The following ARNT2 variants were observed in gnomAD, a reference collection of about 807,000 sequenced individuals.
ARNT2 encodes the protein aryl hydrocarbon receptor nuclear translocator 2.
Under a neutral mutation model 91.7 loss-of-function variants are expected in ARNT2, and 36 were observed. The observed-to-expected ratio is 0.39, with a 90% CI of 0.30 to 0.52. ARNT2 has a LOEUF of 0.52. Among genes scored for constraint, ARNT2 ranks in the 20% least tolerant of loss-of-function variants. The pLI, the probability that ARNT2 is intolerant of heterozygous loss-of-function variation, is 0.72. For missense variants in ARNT2, 775 were observed against 939.3 expected (o/e 0.83, Z 2.29); for synonymous variants, 365 against 347.1 (o/e 1.05, Z -0.57).
At chr15:80,514,103 T>G in intron 7 of ARNT2, 127 bp downstream of exon 7, 1 of 1,020,662 alleles carries the variant, frequency 9.8e-7, no homozygotes, top group Non-Finnish European at 1.5e-6. Flanking sequence ...GACATCAGGG[T>G]GGCAGTGGCA....
At chr15:80,415,648 C>T (rs997786733) in intron 1 of ARNT2, among the ~76,000 whole-genome samples, 1 of 152,074 alleles carries the variant, frequency 6.6e-6, no homozygotes, top group South Asian at 2.1e-4. Context: ...GCCCGGTCCA[C>T]GTAACATTGG....
intron 8 of ARNT2, among the ~76,000 whole-genome samples, chr15:80,524,560 G>C (rs530263249): frequency 4.6e-5 from 7 of 152,228 alleles, no homozygotes; most frequent in Middle Eastern, 3.4e-3. Context: ...AATTAAACAG[G>C]CATGCTTTTA....
At chr15:80,556,792 G>T (rs1898198761) in intron 11 of ARNT2, 1 of 152,248 alleles carries the variant, frequency 6.6e-6, no homozygotes, top group Admixed American at 6.5e-5. Flanking sequence ...TGACCTAAAA[G>T]CACCGTCCCG....
intron 1 of ARNT2, among the ~76,000 whole-genome samples, chr15:80,449,643 G>C (rs1005368218): frequency 1.3e-5 from 2 of 152,216 alleles, no homozygotes; most frequent in Non-Finnish European, 2.9e-5. Flanking sequence ...ATTGTATTGT[G>C]TATTGTAAAA....
At chr15:80,442,222 G>A (rs892817386) in intron 1 of ARNT2, among the ~76,000 whole-genome samples, 3 of 152,188 alleles carry the variant, frequency 2.0e-5, no homozygotes, top group Non-Finnish European at 4.4e-5. Flanking sequence ...TCAAAGGAAC[G>A]CTTTTTAGGA....
intron 5 of ARNT2, among the ~76,000 whole-genome samples, chr15:80,475,792 C>G (rs1896794109): frequency 6.6e-6 from 1 of 152,130 alleles, no homozygotes; most frequent in Non-Finnish European, 1.5e-5. Flanking sequence ...ATCCATATGC[C>G]CTGTTTGAAG....
At chr15:80,405,845 C>T (rs1895592756) in intron 1 of ARNT2, among the ~76,000 whole-genome samples, 1 of 151,848 alleles carries the variant, frequency 6.6e-6, no homozygotes, top group South Asian at 2.1e-4. Flanking sequence ...AAGGGAGAGT[C>T]CTCTGCACAC....
chr15:80,504,017 A>G (rs1897236683), intron 5 of ARNT2, among the ~76,000 whole-genome samples: 1 of 152,252 alleles, frequency 6.6e-6, no homozygotes, highest in Non-Finnish European at 1.5e-5. Context: ...AGCCGGCCCA[A>G]GGAGAGCACA....
chr15:80,493,392 T>C (rs965789847), intron 5 of ARNT2, among the ~76,000 whole-genome samples: 1 of 152,134 alleles, frequency 6.6e-6, no homozygotes, highest in Non-Finnish European at 1.5e-5. Context: ...TTTTCCTGAA[T>C]TGTGTACAGC....
chr15:80,472,182 G>A (rs1249806740), intron 4 of ARNT2, among the ~76,000 whole-genome samples: 2 of 152,130 alleles, frequency 1.3e-5, no homozygotes, highest in African/African-American at 4.8e-5. Flanking sequence ...AAGTATGTAG[G>A]GTATAGGGTC....
chr15:80,495,443 C>A (rs923455592), intron 5 of ARNT2, among the ~76,000 whole-genome samples: 3 of 152,200 alleles, frequency 2.0e-5, no homozygotes, highest in African/African-American at 7.2e-5. Context: ...CTCCTAAAAT[C>A]TAAATTATTG....
At chr15:80,421,742 G>A (rs1395060647) in intron 1 of ARNT2, among the ~76,000 whole-genome samples, 1 of 152,072 alleles carries the variant, frequency 6.6e-6, no homozygotes, top group East Asian at 1.9e-4. Context: ...TTTTCCTAGG[G>A]TATTTACGAC....
rs1342642044 is a variant in ARNT2, at chr15:80,404,456, G to T, written c.-60G>T. On this transcript the variant is annotated 5_prime_UTR_variant, in exon 1 of 19. Coordinates refer to ENST00000303329, the MANE Select transcript of ARNT2 (RefSeq NM_014862.4). This position sits in a 1 kb window ranked among gnomAD's most constrained non-coding sequence, Gnocchi z 5.5. ...GACCGGGTCCCCGGGGCTGAGCGCC[G>T]GGCTCCGCGCCGCCCCTCCCGCGCC... 3.5e-6 allele frequency: 4 copies of T among 1,146,426 alleles called. No individual in the cohort carries two copies. Among genetic ancestry groups the T allele is most frequent in the South Asian group, 3.7e-5 (2 of 53,698 alleles). The allele number at this position is 1,146,426 out of a possible 1,614,324, so 71.0% of individuals were successfully genotyped here.
chr15:80,581,724 T>TTA (rs1269560260), intron 17 of ARNT2, among the ~76,000 whole-genome samples: 1 of 152,230 alleles, frequency 6.6e-6, no homozygotes, highest in Non-Finnish European at 1.5e-5. Context: ...GTCAAAAACC[T>TTA]TATAGTCTTG....
intron 8 of ARNT2, among the ~76,000 whole-genome samples, chr15:80,541,467 T>G (rs888762939): frequency 2.0e-5 from 3 of 152,218 alleles, no homozygotes; most frequent in African/African-American, 4.8e-5. Context: ...TAGTTTCATT[T>G]GCTTTGCAGA....
chr15:80,411,746 C>T (rs1039731008), intron 1 of ARNT2, among the ~76,000 whole-genome samples: 7 of 152,118 alleles, frequency 4.6e-5, no homozygotes, highest in African/African-American at 1.2e-4. Flanking sequence ...AGACTTACCT[C>T]GAGTCCTCAG....
intron 15 of ARNT2, among the ~76,000 whole-genome samples, chr15:80,579,660 G>T (rs930559055): frequency 7.2e-5 from 11 of 152,152 alleles, no homozygotes; most frequent in Non-Finnish European, 1.5e-4. Context: ...GTAAAAGTCT[G>T]CCCCCAGCCT....
chr15:80,432,191 G>A (rs556939708), intron 1 of ARNT2, among the ~76,000 whole-genome samples: 8 of 152,186 alleles, frequency 5.3e-5, no homozygotes, highest in East Asian at 1.9e-4. Flanking sequence ...TAGTGCACCC[G>A]CACCAGCCCT....
intron 5 of ARNT2, among the ~76,000 whole-genome samples, chr15:80,479,273 G>A (rs909085822): frequency 1.3e-5 from 2 of 152,216 alleles, no homozygotes; most frequent in Admixed American, 6.5e-5. Context: ...TGAGGGTGAT[G>A]GTGGAGTTCT....
Sources: allele counts gnomAD v4.1 joint callset (sites outside exome capture counted in the v4.1 genomes callset), GRCh38; gene constraint gnomAD v4.1.1; non-coding constraint Gnocchi (gnomAD v3.1); transcripts MANE v1.5; gene names NCBI Gene and HGNC (gene_info 2026-07-23, HGNC 2026-07-21).